Variants in MVP observed in about 807,000 individuals in gnomAD.
MVP encodes the protein major vault protein, also known as lung resistance-related protein.
A neutral mutation model predicts 83.5 loss-of-function variants in MVP; 62 were observed. That is an observed-to-expected ratio of 0.74 (90% CI 0.61 to 0.92). The LOEUF is 0.92. Ranked by LOEUF, MVP falls within the 40% of genes least tolerant of loss-of-function variation. The probability of loss-of-function intolerance (pLI) is 0.00; values close to 1 mark genes in which losing one functional copy is unlikely to be tolerated. For missense variants in MVP, 1,000 were observed against 1,203.4 expected (o/e 0.83, Z 2.50); for synonymous variants, 505 against 504.1 (o/e 1.00, Z -0.02).
chr16:29,836,951 TG>T lies in MVP; in HGVS notation c.904del (p.Val302SerfsTer33). The part of the protein sequence containing the change: ...DGKNQLGQKR[V>X]VKGEKSFFLQ... Reference sequence around the variant, plus strand: ...AAGAATCAGCTGGGGCAGAAGCGCGTGGTCAAGGTGAGGTCCCTACACCCCC... The same window carrying T: ...AAGAATCAGCTGGGGCAGAAGCGCGTGTCAAGGTGAGGTCCCTACACCCCC... On this transcript the variant is annotated frameshift_variant, in exon 7 of 15. Coordinates refer to ENST00000357402, the MANE Select transcript of MVP (RefSeq NM_005115.5). LOFTEE classifies it high-confidence loss of function. The T allele has an allele frequency of 3.7e-6, 6 of 1,610,858 alleles. No individual in the cohort carries two copies. The highest frequency in any genetic ancestry group is 5.1e-6 in the Non-Finnish European group (6 of 1,178,104).
chr16:29,833,762 C>G lies in MVP; in HGVS notation c.351C>G (p.Pro117=). The change falls in exon 4 of 15, where the codon CCC becomes CCG. Residue 117 remains proline (P), a synonymous_variant. Coordinates refer to ENST00000357402, the MANE Select transcript of MVP (RefSeq NM_005115.5). The stretch of plus-strand genomic sequence containing the variant: ...TCACACCCCTGCAGGTGGTTCTGCC[C>G]AACACTGCCCTCCATCTAAAGGCGC... ...KDITPLQVVL[P]NTALHLKALL... 6.2e-7 allele frequency: 1 copy of G among 1,614,048 alleles called. No individual in the cohort carries two copies. The highest frequency in any genetic ancestry group is 8.5e-7 in the Non-Finnish European group (1 of 1,179,998).
In MVP at chr16:29,844,726, G is replaced by A. The variant is rs754024292; in HGVS notation, c.1868G>A (p.Arg623Gln). The A allele has an allele frequency of 1.6e-5, 26 of 1,613,318 alleles. No individual in the cohort carries two copies. The highest frequency in any genetic ancestry group is 1.3e-4 in the East Asian group (6 of 44,902). ...GPDGMALPRP[R>Q]DQAVFPQNGL... Reference sequence around the variant, plus strand: ...GATGGCATGGCCCTGCCCAGGCCCCGGGACCAGGCTGTCTTCCCCCAAAAC... The same window carrying A: ...GATGGCATGGCCCTGCCCAGGCCCCAGGACCAGGCTGTCTTCCCCCAAAAC... The change falls in exon 11 of 15, where the codon CGG becomes CAG. Residue 623 changes from arginine (R) to glutamine (Q), a missense_variant. Arg to Gln is a conservative substitution (Grantham distance 43). Coordinates refer to ENST00000357402, the MANE Select transcript of MVP (RefSeq NM_005115.5).
At chr16:29,846,653 T>G (rs1185918936) in intron 13 of MVP, among the ~76,000 whole-genome samples, 1 of 151,714 alleles carries the variant, frequency 6.6e-6, no homozygotes, top group African/African-American at 2.4e-5. Context: ...AGGTCAGGAG[T>G]TCAAGACCAG....
chr16:29,833,491 T>TTA (rs71143754), intron 3 of MVP: 2 of 188,384 alleles, frequency 1.1e-5, no homozygotes, highest in Non-Finnish European at 2.0e-5. Flanking sequence ...TTTTTTTTTT[T>TTA]AGAGATGGGA....
At chr16:29,820,792 G>T in intron 1 of MVP, 1 of 152,436 alleles carries the variant, frequency 6.6e-6, no homozygotes, top group Non-Finnish European at 1.5e-5. Context: ...TCTGACTTCA[G>T]GGTCCCACCT....
At chr16:29,839,570 T>G (rs943091402) in intron 7 of MVP, among the ~76,000 whole-genome samples, 1 of 151,514 alleles carries the variant, frequency 6.6e-6, no homozygotes, top group African/African-American at 2.4e-5. Context: ...ATCGCTTGAG[T>G]CTAGGACTTT....
chr16:29,825,348 A>G (rs1267496733), intron 1 of MVP, among the ~76,000 whole-genome samples: 1 of 152,176 alleles, frequency 6.6e-6, no homozygotes, highest in Non-Finnish European at 1.5e-5. Context: ...AGGTCAACAC[A>G]ATCCTTGCTA....
In MVP at chr16:29,830,930, A is replaced by C; in HGVS notation, c.178A>C (p.Thr60Pro). ...GACCGTCCCCCCACGTCACTACTGC[A>C]CAGTGGCCAACCCTGTGTCTCGGGA... ...MVTVPPRHYC[T>P]VANPVSRDAQ... The change falls in exon 3 of 15, where the codon ACA (threonine) becomes CCA (proline). Residue 60 changes from threonine (T) to proline (P), a missense_variant. By Grantham distance (38) the Thr-to-Pro change is conservative. Coordinates refer to ENST00000357402, the MANE Select transcript of MVP (RefSeq NM_005115.5). 1 of 1,613,876 alleles carries C rather than the reference A, an allele frequency of 6.2e-7. No homozygotes were observed. The highest frequency in any genetic ancestry group is 2.2e-5 in the East Asian group (1 of 44,854).
Position 29,840,493 on chromosome 16 carries a change from GTGGCCT to G in MVP, c.1191+44_1191+49del, listed in dbSNP as rs766585471. The G allele has an allele frequency of 1.3e-5, 20 of 1,540,938 alleles. No homozygotes were observed. The African/African-American group carries it at 2.6e-4, about 20-fold the overall frequency. On this transcript the variant is annotated intron_variant, in intron 8 of 14. Transcript: ENST00000357402. ...TGGGAGTGAGCAGCAGTGCTGCCAC[GTGGCCT>G]TGGCCTTGGTGGCGGCTTCCTCTGG...
chr16:29,836,671 C>T (rs2067489679), intron 6 of MVP, 51 bp from the exon 7 acceptor site: 1 of 1,451,818 alleles, frequency 6.9e-7, no homozygotes, highest in South Asian at 1.4e-5. Context: ...GCTCGCAGAT[C>T]CCCTGAAGTT....
chr16:29,834,852 ATT>A (rs60147985), intron 5 of MVP: 20,311 of 126,276 alleles, frequency 0.16, 1,719 homozygotes, highest in African/African-American at 0.24. Flanking sequence ...TGCCCAGCTA[ATT>A]TTTTTTTTTT....
chr16:29,830,968 G>T lies in MVP; in HGVS notation c.216G>T (p.Leu72Phe). ...CTGTGTCTCGGGATGCCCAGGGCTT[G>T]GTGCTGTTTGATGTCACAGGGCAAG... ...ANPVSRDAQGLVLFDVTGQVR... is the reference protein window; with the variant it reads ...ANPVSRDAQGFVLFDVTGQVR... The change falls in exon 3 of 15, where the codon TTG becomes TTT. Residue 72 changes from leucine to phenylalanine, a missense_variant. Transcript: ENST00000357402. The T allele has an allele frequency of 6.2e-7, 1 of 1,614,068 alleles. No individual in the cohort carries two copies. Among genetic ancestry groups the T allele is most frequent in the Non-Finnish European group, 8.5e-7 (1 of 1,180,012 alleles).
In MVP at chr16:29,833,838, T is replaced by C. The variant is rs769970084; in HGVS notation, c.427T>C (p.Trp143Arg). Residue 143 changes from tryptophan (W) to arginine (R), a missense_variant, in exon 4 of 15, where the codon TGG becomes CGG. Physicochemically the swap from Trp to Arg is moderately radical, Grantham distance 101. Transcript: ENST00000357402. ...AGACAAGGTGGTGGCAGGAGATGAG[T>C]GGCTTTTCGAGGGACCTGGTAAGTT... ...DGDKVVAGDE[W>R]LFEGPGTYIP... The C allele has an allele frequency of 1.2e-6, 2 of 1,614,056 alleles. No homozygotes were observed. The highest frequency in any genetic ancestry group is 2.2e-5 in the East Asian group (1 of 44,872).
intron 3 of MVP, among the ~76,000 whole-genome samples, chr16:29,832,115 G>C (rs2067448085): frequency 6.6e-6 from 1 of 152,034 alleles, no homozygotes; most frequent in Non-Finnish European, 1.5e-5. Flanking sequence ...TTACTAACCA[G>C]TGCTGCTTGA....
At chr16:29,830,467 A>G in intron 1 of MVP, 48 bp from the exon 2 acceptor site, 1 of 1,532,226 alleles carries the variant, frequency 6.5e-7, no homozygotes, top group Non-Finnish European at 8.9e-7. Flanking sequence ...TGCCTGCCCC[A>G]CCCCAGGCTC....
intron 3 of MVP, chr16:29,833,230 A>C (rs1334053797): frequency 6.3e-6 from 1 of 158,718 alleles, no homozygotes; most frequent in Non-Finnish European, 1.4e-5. Context: ...CCCCATCTCC[A>C]AAAATAAAAA....
In MVP at chr16:29,831,039, C is replaced by A; in HGVS notation, c.287C>A (p.Pro96His). 2 of 1,613,500 alleles carry A rather than the reference C, an allele frequency of 1.2e-6. No homozygotes were observed. Among genetic ancestry groups the A allele is most frequent in the Non-Finnish European group, 1.7e-6 (2 of 1,180,002 alleles). The change falls in exon 3 of 15, where the codon CCC (proline) becomes CAC (histidine). Residue 96 changes from proline (P) to histidine (H), a missense_variant. Coordinates refer to ENST00000357402, the MANE Select transcript of MVP (RefSeq NM_005115.5). ...ADLEIRLAQDPFPLYPGEVLE... is the reference protein window; with the variant it reads ...ADLEIRLAQDHFPLYPGEVLE... ...CTCGAGATCCGGCTGGCCCAGGACCCCTTCCCCCTGTACCCAGGGGAGGTG... is the reference window on the plus strand; with the variant it reads ...CTCGAGATCCGGCTGGCCCAGGACCACTTCCCCCTGTACCCAGGGGAGGTG...
chr16:29,832,516 C>T (rs1016004073), intron 3 of MVP, among the ~76,000 whole-genome samples: 7 of 149,988 alleles, frequency 4.7e-5, no homozygotes, highest in Admixed American at 2.0e-4. Context: ...CCAGGGTGGT[C>T]TCGATCTCCT....
Position 29,833,999 on chromosome 16 carries a change from G to A in MVP, c.510G>A (p.Gln170=). ...VEIIQATIIR[Q]NQALRLRARK... ...TCATTCAGGCCACCATCATCAGGCA[G>A]AACCAGGCTCTGCGGCTCAGGGCCC... The change falls in exon 5 of 15, where the codon CAG becomes CAA. Residue 170 remains glutamine, a synonymous_variant. Coordinates refer to ENST00000357402, the MANE Select transcript of MVP (RefSeq NM_005115.5). 1.2e-6 allele frequency: 2 copies of A among 1,614,132 alleles called. No homozygotes were observed. The highest frequency in any genetic ancestry group is 1.7e-6 in the Non-Finnish European group (2 of 1,180,006).
Sources: allele counts gnomAD v4.1 joint callset (sites outside exome capture counted in the v4.1 genomes callset), GRCh38; gene constraint gnomAD v4.1.1; transcripts MANE v1.5; gene names NCBI Gene and HGNC (gene_info 2026-07-23, HGNC 2026-07-21).